The following GALNT10 variants were observed in gnomAD, a reference collection of about 807,000 sequenced individuals.
GALNT10 encodes the protein GalNAc transferase 10.
A neutral mutation model predicts 75.0 loss-of-function variants in GALNT10; 41 were observed. The observed-to-expected ratio is 0.55, with a 90% CI of 0.43 to 0.71. The LOEUF (loss-of-function observed/expected upper bound fraction) is 0.71. Among genes scored for constraint, GALNT10 ranks in the 30% least tolerant of loss-of-function variants. The pLI, the probability that GALNT10 is intolerant of heterozygous loss-of-function variation, is 0.00. For missense variants in GALNT10, 727 were observed against 818.5 expected (o/e 0.89, Z 1.36); for synonymous variants, 302 against 313.0 (o/e 0.96, Z 0.37).
chr5:154,396,049 G>A lies in GALNT10; in HGVS notation c.1057-8055G>A, dbSNP rs1387547628. 3.3e-5 allele frequency among the ~76,000 whole-genome samples: 5 copies of A among 152,268 alleles called. No homozygotes were observed. The South Asian group carries it at 8.3e-4, about 25-fold the overall frequency. On this transcript the variant is annotated intron_variant, in intron 7 of 11. Transcript: ENST00000297107. ...GTGGGTGTGGAAGGACAGAGTAAAT[G>A]GGCAGGTTGGTTGGCAGGTTGGCCA...
At chr5:154,331,395 C>A (rs1754861960) in intron 4 of GALNT10, among the ~76,000 whole-genome samples, 1 of 152,192 alleles carries the variant, frequency 6.6e-6, no homozygotes, top group East Asian at 1.9e-4. Flanking sequence ...GAGAGCCTGG[C>A]AATATCTATA....
intron 1 of GALNT10, among the ~76,000 whole-genome samples, chr5:154,196,073 G>T (rs1364703459): frequency 6.6e-6 from 1 of 151,994 alleles, no homozygotes; most frequent in Non-Finnish European, 1.5e-5. Context: ...ATAGGCATGC[G>T]CCACCAAGCC....
intron 1 of GALNT10, among the ~76,000 whole-genome samples, chr5:154,276,006 T>A (rs1753946286): frequency 6.6e-6 from 1 of 152,230 alleles, no homozygotes; most frequent in African/African-American, 2.4e-5. Flanking sequence ...CAATCTGCCA[T>A]ACTATTGAGA....
chr5:154,287,209 T>A (rs1175285812), intron 1 of GALNT10, among the ~76,000 whole-genome samples: 6 of 152,256 alleles, frequency 3.9e-5, no homozygotes, highest in Non-Finnish European at 7.3e-5. Context: ...AAAGGCTTAC[T>A]GTGGCTGCCC....
At chr5:154,245,453 A>G (rs1045512281) in intron 1 of GALNT10, among the ~76,000 whole-genome samples, 1 of 152,122 alleles carries the variant, frequency 6.6e-6, no homozygotes, top group South Asian at 2.1e-4. Flanking sequence ...CCCATGTCAC[A>G]GCTGAGAAAA....
In GALNT10 at chr5:154,415,950, G is replaced by A. The variant is rs200404568; in HGVS notation, c.1653+18G>A. 3.3e-3 allele frequency: 5,335 copies of A among 1,612,006 alleles called. 18 individuals are homozygous for A. The highest frequency in any genetic ancestry group is 4.4e-3 in the South Asian group (398 of 91,002). ...ACCGCAAAGTAAGATGGGATGCGGG[G>A]GGAGCAGGGCACCTGCTTAATTTTT... On this transcript the variant is annotated intron_variant, in intron 11 of 11. Coordinates refer to ENST00000297107, the MANE Select transcript of GALNT10 (RefSeq NM_198321.4).
intron 1 of GALNT10, among the ~76,000 whole-genome samples, chr5:154,217,261 G>A (rs1189994154): frequency 6.6e-6 from 1 of 152,130 alleles, no homozygotes; most frequent in Non-Finnish European, 1.5e-5. Context: ...GCGCTACAGT[G>A]GCTTCCGCCT....
intron 3 of GALNT10, among the ~76,000 whole-genome samples, chr5:154,314,604 A>C (rs1474614294): frequency 6.6e-6 from 1 of 151,922 alleles, no homozygotes; most frequent in Non-Finnish European, 1.5e-5. Flanking sequence ...ACCCAAAGAG[A>C]TGCTGGCGTC....
At chr5:154,319,273 C>T (rs1381557888) in intron 3 of GALNT10, among the ~76,000 whole-genome samples, 1 of 152,176 alleles carries the variant, frequency 6.6e-6, no homozygotes, top group Non-Finnish European at 1.5e-5. Context: ...TGCACATGTG[C>T]AGAGGAGAAC....
intron 4 of GALNT10, among the ~76,000 whole-genome samples, chr5:154,344,891 A>G (rs1581984044): frequency 6.6e-6 from 1 of 152,110 alleles, no homozygotes; most frequent in African/African-American, 2.4e-5. Flanking sequence ...GTCGTGCTCC[A>G]CCTTCAGGGA....
chr5:154,300,675 A>G (rs1381022961), intron 3 of GALNT10, among the ~76,000 whole-genome samples: 1 of 152,204 alleles, frequency 6.6e-6, no homozygotes, highest in African/African-American at 2.4e-5. Context: ...CTAGGATCAC[A>G]AGGATAAATG....
intron 9 of GALNT10, among the ~76,000 whole-genome samples, chr5:154,411,026 A>G (rs1326847336): frequency 6.6e-6 from 1 of 152,230 alleles, no homozygotes; most frequent in African/African-American, 2.4e-5. Flanking sequence ...GCAGACGAGC[A>G]TGCCACCATG....
chr5:154,288,408 T>TTGTGTGTGTGTGTGTG (rs10534031), intron 1 of GALNT10, among the ~76,000 whole-genome samples: 104 of 122,618 alleles, frequency 8.5e-4, no homozygotes, highest in African/African-American at 2.6e-3. Flanking sequence ...AAAATTCCAT[T>TTGTGTGTGTGTGTGTG]TGTGTGTGTG....
At chr5:154,230,749 C>T (rs1380213914) in intron 1 of GALNT10, among the ~76,000 whole-genome samples, 26 of 152,192 alleles carry the variant, frequency 1.7e-4, no homozygotes, top group Non-Finnish European at 2.8e-4. Context: ...AGCATCCTTT[C>T]CTCCTGTGCA....
chr5:154,237,760 G>T (rs1330234238), intron 1 of GALNT10, among the ~76,000 whole-genome samples: 2 of 152,150 alleles, frequency 1.3e-5, no homozygotes, highest in Non-Finnish European at 2.9e-5. Context: ...TTATGGGTTT[G>T]GGGAGCAAGA....
rs2113173726 is a variant in GALNT10 at position 154,376,912 on chromosome 5, C to G, written c.754+450C>G. 6.6e-6 allele frequency among the ~76,000 whole-genome samples: 1 copy of G among 152,244 alleles called. No homozygotes were observed. Among genetic ancestry groups the G allele is most frequent in the East Asian group, 1.9e-4 (1 of 5,184 alleles). ...CTAATTCTCACAAAACCATGCAGGTCAAAAGTATACCCCTTATGTAGTAAA... is the reference window on the plus strand; with the variant it reads ...CTAATTCTCACAAAACCATGCAGGTGAAAAGTATACCCCTTATGTAGTAAA... On this transcript the variant is annotated intron_variant, in intron 5 of 11. Coordinates refer to ENST00000297107, the MANE Select transcript of GALNT10 (RefSeq NM_198321.4). This position sits in a 1 kb window ranked among gnomAD's most constrained non-coding sequence, Gnocchi z 4.1.
Position 154,419,281 on chromosome 5 carries a change from G to A in GALNT10, c.*2309G>A, listed in dbSNP as rs1425880150. The A allele has an allele frequency of 6.6e-6, 1 of 152,114 alleles. No individual in the cohort carries two copies. Among genetic ancestry groups the A allele is most frequent in the Non-Finnish European group, 1.5e-5 (1 of 68,082 alleles). 9.4% of individuals were successfully genotyped at this position (152,114 alleles called of 1,614,324 possible). Reference sequence around the variant, plus strand: ...GGCTGGGCAGTGCGTTTAGTCTGTGGCCTAGAAGACCTCATCAGCCCCCGA... The same window carrying A: ...GGCTGGGCAGTGCGTTTAGTCTGTGACCTAGAAGACCTCATCAGCCCCCGA... On this transcript the variant is annotated 3_prime_UTR_variant, in exon 12 of 12. Coordinates refer to ENST00000297107, the MANE Select transcript of GALNT10 (RefSeq NM_198321.4).
chr5:154,272,577 G>A (rs535851159), intron 1 of GALNT10, among the ~76,000 whole-genome samples: 3 of 152,270 alleles, frequency 2.0e-5, no homozygotes, highest in Admixed American at 6.5e-5. Context: ...GGGGGTCAGC[G>A]CCACTCACCT....
chr5:154,322,469 G>A (rs1044961838), intron 3 of GALNT10, among the ~76,000 whole-genome samples: 1 of 152,022 alleles, frequency 6.6e-6, no homozygotes, highest in Non-Finnish European at 1.5e-5. Flanking sequence ...AGATAATCCT[G>A]GCTCCTCAAA....
Sources: allele counts gnomAD v4.1 joint callset (sites outside exome capture counted in the v4.1 genomes callset), GRCh38; gene constraint gnomAD v4.1.1; non-coding constraint Gnocchi (gnomAD v3.1); transcripts MANE v1.5; gene names NCBI Gene and HGNC (gene_info 2026-07-23, HGNC 2026-07-21).